Variants in ZNF20 observed in about 807,000 individuals in gnomAD.
ZNF20 encodes zinc finger protein KOX13.
Under a neutral mutation model 11.0 loss-of-function variants are expected in ZNF20, and 9 were observed. That is an observed-to-expected ratio of 0.82 (90% CI 0.49 to 1.43). The LOEUF is 1.43. Ranked by LOEUF, ZNF20 falls within the 40% of genes most tolerant of loss-of-function variation. ZNF20 has a pLI of 0.00. For missense variants in ZNF20, 528 were observed against 640.8 expected (o/e 0.82, Z 1.90); for synonymous variants, 182 against 213.0 (o/e 0.85, Z 1.27).
chr19:12,135,851 C>G lies in ZNF20; in HGVS notation c.57G>C (p.Glu19Asp), dbSNP rs1406503848. The change falls in exon 2 of 4, where the codon GAG (glutamate) becomes GAC (aspartate). Residue 19 changes from glutamate to aspartate, a missense_variant. Transcript: ENST00000334213. ...FEDVAVSFTQ[E>D]EWALLDPSQK... ...GGGAAGGATCCAGCAAAGCCCACTCCTCCTGGGTGAAGCTGACAGCCACAT... is the reference window on the plus strand; with the variant it reads ...GGGAAGGATCCAGCAAAGCCCACTCGTCCTGGGTGAAGCTGACAGCCACAT... 6.2e-7 allele frequency: 1 copy of G among 1,614,132 alleles called. No homozygotes were observed.
chr19:12,140,204 G>A lies in ZNF20; in HGVS notation c.-22C>T. 7.5e-6 allele frequency: 12 copies of A among 1,601,602 alleles called. No individual in the cohort carries two copies. Among genetic ancestry groups the A allele is most frequent in the African/African-American group, 1.3e-5 (1 of 74,760 alleles). On this transcript the variant is annotated 5_prime_UTR_variant, in exon 1 of 4. Transcript: ENST00000334213. ...CCATTTCCCGGCTTCTGGGTGTCCCGGTGTCCTCTCTAGGGCTCCCGTGAA... is the reference window on the plus strand; with the variant it reads ...CCATTTCCCGGCTTCTGGGTGTCCCAGTGTCCTCTCTAGGGCTCCCGTGAA...
Position 12,133,355 on chromosome 19 carries a change from G to A in ZNF20, c.831C>T (p.His277=). The stretch of plus-strand genomic sequence containing the variant: ...TACACTCATAGGGTTTTTCTCCAGT[G>A]TGAGACCTTTTATGTCTACGAATTT... ...PSEIRRHKRS[H]TGEKPYECKQ... is the part of the protein sequence containing the mutation. The change falls in exon 4 of 4, where the codon CAC becomes CAT. Residue 277 remains histidine, a synonymous_variant. Coordinates refer to ENST00000334213, the MANE Select transcript of ZNF20 (RefSeq NM_021143.4). 1 of 1,614,230 alleles carries A rather than the reference G, an allele frequency of 6.2e-7. No homozygotes were observed. Among genetic ancestry groups the A allele is most frequent in the Non-Finnish European group, 8.5e-7 (1 of 1,180,048 alleles).
Position 12,132,308 on chromosome 19 carries a change from A to T in ZNF20, c.*279T>A, listed in dbSNP as rs559548557. The stretch of plus-strand genomic sequence containing the variant: ...CCAAAGAATCAGGAAAATGGGCTGG[A>T]AGCGGGTAGCCACACACCTCTCTCC... On this transcript the variant is annotated 3_prime_UTR_variant, in exon 4 of 4. Coordinates refer to ENST00000334213, the MANE Select transcript of ZNF20 (RefSeq NM_021143.4). 3.6e-4 allele frequency: 130 copies of T among 357,448 alleles called. No homozygotes were observed. Among genetic ancestry groups the T allele is most frequent in the Non-Finnish European group, 6.0e-4 (120 of 199,308 alleles). The allele number at this position is 357,448 out of a possible 1,614,324, so 22.1% of individuals were successfully genotyped here. A position where few individuals can be genotyped will look rare whatever the true frequency, so the allele number is the denominator to read the frequency against.
At position 12,140,210 on chromosome 19, in the gene ZNF20, C is replaced by T. The variant is rs760712886; in HGVS notation, c.-28G>A. Reference sequence around the variant, plus strand: ...CCCGGCTTCTGGGTGTCCCGGTGTCCTCTCTAGGGCTCCCGTGAATAGTGC... The same window carrying T: ...CCCGGCTTCTGGGTGTCCCGGTGTCTTCTCTAGGGCTCCCGTGAATAGTGC... On this transcript the variant is annotated 5_prime_UTR_variant, in exon 1 of 4. Coordinates refer to ENST00000334213, the MANE Select transcript of ZNF20 (RefSeq NM_021143.4). The T allele has an allele frequency of 8.1e-6, 13 of 1,599,460 alleles. No individual in the cohort carries two copies. In the South Asian group the frequency reaches 1.3e-4, roughly 17 times the overall value.
chr19:12,132,688 G>A lies in ZNF20; in HGVS notation c.1498C>T (p.His500Tyr). 6.2e-7 allele frequency: 1 copy of A among 1,614,108 alleles called. No individual in the cohort carries two copies. The highest frequency in any genetic ancestry group is 8.5e-7 in the Non-Finnish European group (1 of 1,179,994). ...SNYIRYHERT[H>Y]TGEKPYQCKQ... is the part of the protein sequence containing the mutation. The stretch of plus-strand genomic sequence containing the variant: ...CATTGATAGGGTTTCTCTCCAGTGT[G>A]AGTCCTTTCATGATATCGAATGTAA... The change falls in exon 4 of 4, where the codon CAC becomes TAC. Residue 500 changes from histidine (H) to tyrosine (Y), a missense_variant. Physicochemically the swap from His to Tyr is moderately conservative, Grantham distance 83 (BLOSUM62 2). Transcript: ENST00000334213.
rs1976635556 is a variant in ZNF20, at chr19:12,132,350, A to T, written c.*237T>A. The stretch of plus-strand genomic sequence containing the variant: ...CCTCTCTCCCTGTGTGGGGCCTCTA[A>T]TATGTGACTGATGCCTTCCTTTTCT... On this transcript the variant is annotated 3_prime_UTR_variant, in exon 4 of 4. Coordinates refer to ENST00000334213, the MANE Select transcript of ZNF20 (RefSeq NM_021143.4). 4.1e-6 allele frequency: 2 copies of T among 486,268 alleles called. No individual in the cohort carries two copies. The highest frequency in any genetic ancestry group is 7.1e-6 in the Non-Finnish European group (2 of 279,730). 30.1% of individuals were successfully genotyped at this position (486,268 alleles called of 1,614,324 possible).
chr19:12,133,733 G>A lies in ZNF20; in HGVS notation c.453C>T (p.Ala151=), dbSNP rs773509620. The change falls in exon 4 of 4, where the codon GCC becomes GCT. Residue 151 remains alanine (A), a synonymous_variant. Transcript: ENST00000334213. ...ATTGAAAGGAGTCAAGATAACTGAAGGCTTTCTTACATTCCTTATTTCTAT... is the reference window on the plus strand; with the variant it reads ...ATTGAAAGGAGTCAAGATAACTGAAAGCTTTCTTACATTCCTTATTTCTAT... ...NPYRNKECKK[A]FSYLDSFQSH... The A allele has an allele frequency of 2.7e-5, 43 of 1,614,126 alleles. No individual in the cohort carries two copies. The highest frequency in any genetic ancestry group is 3.5e-5 in the Non-Finnish European group (41 of 1,180,020).
Position 12,135,551 on chromosome 19 carries a change from C to T in ZNF20, c.149G>A (p.Trp50Ter), listed in dbSNP as rs747069445. 1 of 1,612,826 alleles carries T rather than the reference C, an allele frequency of 6.2e-7. No homozygotes were observed. Among genetic ancestry groups the T allele is most frequent in the East Asian group, 2.2e-5 (1 of 44,874 alleles). ...CTCATCTTCAATGTTCTGAACTTTC[C>T]ATGTTTTTCCTAAAACACAGACCCG... The part of the protein sequence containing the change: ...FKNLTSVGKT[W>*]KVQNIEDEYK... The change falls in exon 3 of 4, where the codon TGG becomes TAG. Residue 50 changes from tryptophan (W) to a stop codon, truncating the protein, a stop_gained. Coordinates refer to ENST00000334213, the MANE Select transcript of ZNF20 (RefSeq NM_021143.4). LOFTEE classifies it high-confidence loss of function.
chr19:12,136,834 A>T (rs1228912607), intron 1 of ZNF20: 1 of 442,034 alleles, frequency 2.3e-6, no homozygotes, highest in Admixed American at 2.5e-5. Context: ...CCAATTATGC[A>T]AGTGGTCCTC....
Position 12,132,306 on chromosome 19 carries a change from G to A in ZNF20, c.*281C>T, listed in dbSNP as rs1275577137. 5.7e-6 allele frequency: 2 copies of A among 353,800 alleles called. No homozygotes were observed. The highest frequency in any genetic ancestry group is 1.0e-5 in the Non-Finnish European group (2 of 197,166). The allele number at this position is 353,800 out of a possible 1,614,324, so 21.9% of individuals were successfully genotyped here. On this transcript the variant is annotated 3_prime_UTR_variant, in exon 4 of 4. Transcript: ENST00000334213. ...AGCCAAAGAATCAGGAAAATGGGCT[G>A]GAAGCGGGTAGCCACACACCTCTCT...
At chr19:12,136,033 TTC>T (rs1976705787) in intron 1 of ZNF20, 129 bp from the exon 2 acceptor site, 2 of 1,243,160 alleles carry the variant, frequency 1.6e-6, no homozygotes, top group Non-Finnish European at 2.2e-6. Context: ...ACCTCTTACT[TTC>T]TGTCTATACT....
In ZNF20 at chr19:12,132,496, C is replaced by T; in HGVS notation, c.*91G>A. ...TCTTCTCAATTCAAAAAGCAGTTAT[C>T]CAGAGGTTCTTTCACCACTCTCTTT... On this transcript the variant is annotated 3_prime_UTR_variant, in exon 4 of 4. Transcript: ENST00000334213. The T allele has an allele frequency of 7.6e-7, 1 of 1,317,206 alleles. No homozygotes were observed. Among genetic ancestry groups the T allele is most frequent in the Non-Finnish European group, 1.0e-6 (1 of 960,824 alleles). The allele number at this position is 1,317,206 out of a possible 1,614,324, so 81.6% of individuals were successfully genotyped here.
At chr19:12,136,849 A>G in intron 1 of ZNF20, 1 of 448,620 alleles carries the variant, frequency 2.2e-6, no homozygotes, top group Non-Finnish European at 4.5e-6. Flanking sequence ...GTCCTCACTT[A>G]CCAGAAGGAA....
Position 12,132,785 on chromosome 19 carries a change from T to G in ZNF20, c.1401A>C (p.Arg467=). 6.2e-7 allele frequency: 1 copy of G among 1,613,430 alleles called. No homozygotes were observed. The highest frequency in any genetic ancestry group is 8.5e-7 in the Non-Finnish European group (1 of 1,179,832). The change falls in exon 4 of 4, where the codon CGA becomes CGC. Residue 467 remains arginine (R), a synonymous_variant. Transcript: ENST00000334213. The part of the protein sequence containing the change: ...GKAFTCSSSI[R]YHERTHTGEK... ...CTCCAGTGTGAGTCCTTTCATGATA[T>G]CGAATGGAACTGGAACAAGTGAAGG... is the stretch of plus-strand genomic sequence containing the variant.
Position 12,140,331 on chromosome 19 carries a change from T to G in ZNF20, c.-149A>C, listed in dbSNP as rs772468429. On this transcript the variant is annotated 5_prime_UTR_variant, in exon 1 of 4. An upstream start codon of the reference 5' UTR is lost. Coordinates refer to ENST00000334213, the MANE Select transcript of ZNF20 (RefSeq NM_021143.4). ...TCTGGTATCCCGACAACAACCTGCA[T>G]AGCAACAAAAGTAGAAGCTGGAATG... 1.4e-5 allele frequency: 14 copies of G among 1,027,994 alleles called. No homozygotes were observed. Among genetic ancestry groups the G allele is most frequent in the Non-Finnish European group, 1.8e-5 (12 of 673,248 alleles). 63.7% of individuals were successfully genotyped at this position (1,027,994 alleles called of 1,614,324 possible). A position where few individuals can be genotyped will look rare whatever the true frequency, so the allele number is the denominator to read the frequency against.
In ZNF20 at chr19:12,133,639, G is replaced by A. The variant is rs1976662583; in HGVS notation, c.547C>T (p.His183Tyr). 1 of 1,614,166 alleles carries A rather than the reference G, an allele frequency of 6.2e-7. No homozygotes were observed. The highest frequency in any genetic ancestry group is 8.5e-7 in the Non-Finnish European group (1 of 1,180,024). Residue 183 changes from histidine (H) to tyrosine (Y), a missense_variant, in exon 4 of 4, where the codon CAT becomes TAT. By Grantham distance (83) the His-to-Tyr change is moderately conservative. Transcript: ENST00000334213. ...ACCCTGTGTCTTTGAATGCATGAAT[G>A]GGAAATGAAGGTTTCTGTACATTCT... ...GKECTETFIS[H>Y]SCIQRHRVMH...
At chr19:12,136,610 C>T (rs1976715587) in intron 1 of ZNF20, among the ~76,000 whole-genome samples, 1 of 151,752 alleles carries the variant, frequency 6.6e-6, no homozygotes, top group Non-Finnish European at 1.5e-5. Flanking sequence ...TCACTTGAAC[C>T]CGGGAGGCAG....
chr19:12,140,261 A>G lies in ZNF20; in HGVS notation c.-79T>C, dbSNP rs1427724488. 6.4e-7 allele frequency: 1 copy of G among 1,563,970 alleles called. No individual in the cohort carries two copies. Among genetic ancestry groups the G allele is most frequent in the South Asian group, 1.2e-5 (1 of 85,628 alleles). On this transcript the variant is annotated 5_prime_UTR_variant, in exon 1 of 4. Coordinates refer to ENST00000334213, the MANE Select transcript of ZNF20 (RefSeq NM_021143.4). ...GGGTCACGGTGCAGGCGGCAGAGCG[A>G]CAGAAGTTGTGGCAGAGGGACCCGG...
At chr19:12,134,721 C>T (rs1568383699) in intron 3 of ZNF20, among the ~76,000 whole-genome samples, 1 of 152,224 alleles carries the variant, frequency 6.6e-6, no homozygotes, top group African/African-American at 2.4e-5. Context: ...GGCAAAGTGT[C>T]AGCTTTCTGC....
Sources: allele counts gnomAD v4.1 joint callset (sites outside exome capture counted in the v4.1 genomes callset), GRCh38; gene constraint gnomAD v4.1.1; transcripts MANE v1.5; gene names NCBI Gene and HGNC (gene_info 2026-07-23, HGNC 2026-07-21).